SPNS3: variants seen among roughly 807,000 people sequenced by gnomAD.
SPNS3 encodes protein spinster homolog 3.
In SPNS3, 51 loss-of-function variants were observed where a neutral mutation model predicts 54.4. The ratio of observed to expected loss-of-function variants is 0.94; its 90% CI spans 0.75 to 1.18. The LOEUF (loss-of-function observed/expected upper bound fraction) is 1.18, where lower values mean the gene tolerates loss of function less well. SPNS3 is among the 50% of genes most tolerant of loss of function. The pLI, the probability that SPNS3 is intolerant of heterozygous loss-of-function variation, is 0.00. For synonymous variants in SPNS3, 309 were observed against 294.7 expected, an observed-to-expected ratio of 1.05 and a Z score of -0.50; for missense variants, 669 against 677.4, an observed-to-expected ratio of 0.99 and a Z score of 0.14.
In SPNS3 at chr17:4,434,156, C is replaced by A; in HGVS notation, c.189C>A (p.Phe63Leu). 1 of 1,610,334 alleles carries A rather than the reference C, an allele frequency of 6.2e-7. No homozygotes were observed. The highest frequency in any genetic ancestry group is 8.5e-7 in the Non-Finnish European group (1 of 1,178,174). Reference sequence around the variant, plus strand: ...ACCTCCTGAATTACATGAACTGGTTCATCATTGCAGGTGAGGAGGGGATGG... The same window carrying A: ...ACCTCCTGAATTACATGAACTGGTTAATCATTGCAGGTGAGGAGGGGATGG... ...YINLLNYMNWFIIAGVLLDIQ... is the reference protein window; with the variant it reads ...YINLLNYMNWLIIAGVLLDIQ... Residue 63 changes from phenylalanine to leucine, a missense_variant, in exon 1 of 12, where the codon TTC becomes TTA. Physicochemically the swap from Phe to Leu is conservative, Grantham distance 22. Transcript: ENST00000355530.
chr17:4,461,264 G>A (rs1971491747), intron 8 of SPNS3, among the ~76,000 whole-genome samples: 1 of 148,176 alleles, frequency 6.7e-6, no homozygotes, highest in African/African-American at 2.5e-5. Flanking sequence ...TTATCTAAAG[G>A]TTTGTCTATC....
chr17:4,470,175 T>A (rs999736632), intron 8 of SPNS3, among the ~76,000 whole-genome samples: 7 of 152,180 alleles, frequency 4.6e-5, no homozygotes, highest in Admixed American at 4.6e-4. Context: ...ACGCCTGTAA[T>A]CCCAGCACTT....
At chr17:4,445,936 A>T (rs1434956249) in intron 3 of SPNS3, 112 bp from the exon 4 acceptor site, 15 of 1,283,284 alleles carry the variant, frequency 1.2e-5, no homozygotes, top group Non-Finnish European at 1.6e-5. Flanking sequence ...CCCTCTCCCT[A>T]CTCTGGGGTC....
At position 4,486,647 on chromosome 17, in the gene SPNS3, C is replaced by T; in HGVS notation, c.1450+64C>T. On this transcript the variant is annotated intron_variant, in intron 11 of 11. Coordinates refer to ENST00000355530, the MANE Select transcript of SPNS3 (RefSeq NM_182538.5). This position sits in a 1 kb window ranked among gnomAD's most constrained non-coding sequence, Gnocchi z 5.5. ...CACCCTAGGGACAGACAGCACTGGC[C>T]ACCCCCTGAATCCCTGGCCAGTTTG... is the stretch of plus-strand genomic sequence containing the variant. The T allele has an allele frequency of 6.6e-7, 1 of 1,504,558 alleles. No homozygotes were observed. The highest frequency in any genetic ancestry group is 2.1e-5 in the Admixed American group (1 of 48,634). 93.2% of individuals were successfully genotyped at this position (1,504,558 alleles called of 1,614,324 possible).
At chr17:4,476,660 C>T (rs916961917) in intron 8 of SPNS3, among the ~76,000 whole-genome samples, 2 of 152,142 alleles carry the variant, frequency 1.3e-5, no homozygotes, top group Non-Finnish European at 2.9e-5. Context: ...GCCCGGGCCC[C>T]GCCTGAGACC....
chr17:4,444,689 T>C (rs1351090940), intron 2 of SPNS3, among the ~76,000 whole-genome samples: 5 of 152,114 alleles, frequency 3.3e-5, no homozygotes, highest in Non-Finnish European at 7.4e-5. Context: ...GCCGGGAAAC[T>C]GGCATCTGCT....
intron 1 of SPNS3, among the ~76,000 whole-genome samples, chr17:4,438,428 A>C (rs1970768147): frequency 6.6e-6 from 1 of 152,170 alleles, no homozygotes; most frequent in Non-Finnish European, 1.5e-5. Context: ...TGACTGATGA[A>C]AGTGAGGATT....
intron 8 of SPNS3, among the ~76,000 whole-genome samples, chr17:4,458,057 G>A (rs1293603734): frequency 2.6e-5 from 4 of 151,540 alleles, no homozygotes; most frequent in Admixed American, 2.6e-4. Context: ...ATGCTCGGAT[G>A]TTCTGACCTG....
In SPNS3 at chr17:4,433,976, G is replaced by A. The variant is rs761240876; in HGVS notation, c.9G>A (p.Gly3=). 4 of 1,539,500 alleles carry A rather than the reference G, an allele frequency of 2.6e-6. No homozygotes were observed. The African/African-American group carries it at 4.2e-5, about 16-fold the overall frequency. The change falls in exon 1 of 12, where the codon GGG becomes GGA. Residue 3 remains glycine (G), a synonymous_variant. Transcript: ENST00000355530. MA[G]GMSAECPEPG... ...AAGAGCTGCAGGCTGGCATGGCTGG[G>A]GGGATGTCAGCGGAGTGCCCTGAGC...
chr17:4,441,894 C>T (rs184550208), intron 2 of SPNS3, among the ~76,000 whole-genome samples: 3 of 151,984 alleles, frequency 2.0e-5, no homozygotes, highest in South Asian at 2.1e-4. Flanking sequence ...AGATTACAGA[C>T]GTGAGCCACC....
At chr17:4,480,753 G>C (rs1972128887) in intron 9 of SPNS3, among the ~76,000 whole-genome samples, 1 of 152,172 alleles carries the variant, frequency 6.6e-6, no homozygotes, top group African/African-American at 2.4e-5. Flanking sequence ...GGAGCCGGCT[G>C]GACAGGAACC....
Position 4,439,718 on chromosome 17 carries a change from A to G in SPNS3, c.260A>G (p.Gln87Arg). ...AGTGACAACCATGCTGGTTTGCTTC[A>G]GACTGGTAAGGAGGAGCCCTGGCTC... ...QISDNHAGLL[Q>R]TVFVSCLLLS... is the part of the protein sequence containing the mutation. Residue 87 changes from glutamine to arginine, a missense_variant, in exon 2 of 12, where the codon CAG becomes CGG. Coordinates refer to ENST00000355530, the MANE Select transcript of SPNS3 (RefSeq NM_182538.5). 6.2e-7 allele frequency: 1 copy of G among 1,612,256 alleles called. No individual in the cohort carries two copies. Among genetic ancestry groups the G allele is most frequent in the Non-Finnish European group, 8.5e-7 (1 of 1,179,300 alleles).
chr17:4,446,642 G>A (rs1970995068), intron 4 of SPNS3: 2 of 579,802 alleles, frequency 3.4e-6, no homozygotes, highest in South Asian at 2.0e-5. Context: ...GCAGGAGGGT[G>A]TAGGGTATGT....
In SPNS3 at chr17:4,449,384, A is replaced by G; in HGVS notation, c.920A>G (p.Asp307Gly). 1 of 1,593,622 alleles carries G rather than the reference A, an allele frequency of 6.3e-7. No individual in the cohort carries two copies. Among genetic ancestry groups the G allele is most frequent in the Non-Finnish European group, 8.5e-7 (1 of 1,175,480 alleles). ...PCFQEPCSNPDSLIFGALTIM... is the reference protein window; with the variant it reads ...PCFQEPCSNPGSLIFGALTIM... ...TTCCAGGAGCCGTGCAGCAACCCCGACAGGTGAGGGCATCCGGGGGCCCTG... is the reference window on the plus strand; with the variant it reads ...TTCCAGGAGCCGTGCAGCAACCCCGGCAGGTGAGGGCATCCGGGGGCCCTG... The change falls in exon 7 of 12, where the codon GAC (aspartate) becomes GGC (glycine). Residue 307 changes from aspartate (D) to glycine (G), a missense_variant. Physicochemically the swap from Asp to Gly is moderately conservative, Grantham distance 94 (BLOSUM62 -1). Transcript: ENST00000355530.
chr17:4,437,567 C>G (rs1415117654), intron 1 of SPNS3, among the ~76,000 whole-genome samples: 1 of 151,340 alleles, frequency 6.6e-6, no homozygotes, highest in African/African-American at 2.4e-5. Flanking sequence ...CTTGGGAGGC[C>G]GAGGCAGGAA....
intron 3 of SPNS3, 106 bp downstream of exon 3, chr17:4,445,274 T>C (rs559423850): frequency 3.6e-4 from 418 of 1,160,316 alleles, no homozygotes; most frequent in Admixed American, 6.9e-4. Context: ...GCTCCATTCC[T>C]GGCTGTGACT....
At position 4,483,920 on chromosome 17, in the gene SPNS3, G is replaced by A. The variant is rs1456608361; in HGVS notation, c.1180-2308G>A. Among the ~76,000 whole-genome samples, 1 of 152,152 alleles carries A rather than the reference G, an allele frequency of 6.6e-6. No homozygotes were observed. Among genetic ancestry groups the A allele is most frequent in the Non-Finnish European group, 1.5e-5 (1 of 68,030 alleles). Reference sequence around the variant, plus strand: ...GTCCCTGGGATCCTCCCTCCACACCGTCGCTTACACTGTCCCCTGCCTGGA... The same window carrying A: ...GTCCCTGGGATCCTCCCTCCACACCATCGCTTACACTGTCCCCTGCCTGGA... On this transcript the variant is annotated intron_variant, in intron 9 of 11. Coordinates refer to ENST00000355530, the MANE Select transcript of SPNS3 (RefSeq NM_182538.5). The surrounding 1 kb of genome is among the most constrained non-coding windows in gnomAD (Gnocchi z 4.2).
chr17:4,469,620 CA>C lies in SPNS3; in HGVS notation c.1114-8932del, dbSNP rs551056606. Among the ~76,000 whole-genome samples, 289 of 66,828 alleles carry C rather than the reference CA, an allele frequency of 4.3e-3. 1 individual carries two copies. The highest frequency in any genetic ancestry group is 9.5e-3 in the African/African-American group (178 of 18,660). The allele number at this position is 66,828 out of a possible 152,430, so 43.8% of individuals were successfully genotyped here. On this transcript the variant is annotated intron_variant, in intron 8 of 11. Coordinates refer to ENST00000355530, the MANE Select transcript of SPNS3 (RefSeq NM_182538.5). ...GGCGACAGAGCGAGAGACTCCATCT[CA>C]AAAAAAAAAAAAAAAAAAAGCAATT...
At chr17:4,448,457 A>T (rs773155357) in intron 6 of SPNS3, among the ~76,000 whole-genome samples, 154 bp downstream of exon 6, 28 of 152,130 alleles carry the variant, frequency 1.8e-4, no homozygotes, top group Admixed American at 3.3e-4. Flanking sequence ...TACCAACTGA[A>T]GTGCCTCTCC....
Sources: gnomAD v4.1 joint callset for allele counts (sites outside exome capture counted in the v4.1 genomes callset) on GRCh38, gnomAD v4.1.1 for gene constraint, Gnocchi (gnomAD v3.1) non-coding constraint, MANE v1.5 for transcripts, NCBI Gene and HGNC (gene_info 2026-07-23, HGNC 2026-07-21) for gene names.